PDE4D: variants seen among roughly 807,000 people sequenced by gnomAD.
PDE4D encodes the protein phosphodiesterase 4D, also known as 3',5'-cyclic-AMP phosphodiesterase 4D.
PDE4D carries 24 observed loss-of-function variants against 87.4 expected under a neutral mutation model. The ratio of observed to expected loss-of-function variants is 0.27; its 90% CI spans 0.20 to 0.39. The LOEUF (loss-of-function observed/expected upper bound fraction) is 0.39. Among genes scored for constraint, PDE4D ranks in the 10% least tolerant of loss-of-function variants. The pLI is 1.00. For synonymous variants in PDE4D, 384 were observed against 383.2 expected (o/e 1.00, Z -0.02); for missense variants, 714 against 1,041.0 (o/e 0.69, Z 4.32).
At chr5:59,984,701 T>C (rs180675758) in intron 3 of PDE4D, among the ~76,000 whole-genome samples, 6 of 152,318 alleles carry the variant, frequency 3.9e-5, no homozygotes, top group Admixed American at 3.9e-4. Flanking sequence ...CACTTATTTC[T>C]GCACATCAAA....
chr5:59,564,049 G>C (rs563925527), intron 1 of PDE4D, among the ~76,000 whole-genome samples: 1 of 152,302 alleles, frequency 6.6e-6, no homozygotes, highest in South Asian at 2.1e-4. Flanking sequence ...CTTCAGAGGG[G>C]CTTGGGTTCA....
intron 1 of PDE4D, among the ~76,000 whole-genome samples, chr5:59,603,823 C>G (rs184188106): frequency 1.3e-5 from 2 of 151,926 alleles, no homozygotes; most frequent in African/African-American, 4.8e-5. Context: ...AAAATAAGTT[C>G]AAGAAATCTA....
chr5:59,645,033 G>A (rs552088175), intron 1 of PDE4D, among the ~76,000 whole-genome samples: 1 of 152,162 alleles, frequency 6.6e-6, no homozygotes, highest in Admixed American at 6.5e-5. Context: ...CATGACATTT[G>A]AATTATTGGC....
chr5:59,884,287 C>A (rs1393079913), intron 1 of PDE4D, among the ~76,000 whole-genome samples: 2 of 151,052 alleles, frequency 1.3e-5, no homozygotes, highest in Non-Finnish European at 3.0e-5. Context: ...TAAATACACA[C>A]ACACATATAT....
In PDE4D at chr5:59,395,854, T is replaced by C. The variant is rs569478188; in HGVS notation, c.456-179886A>G. Among the ~76,000 whole-genome samples, 314 of 117,912 alleles carry C rather than the reference T, an allele frequency of 2.7e-3. 45 individuals are homozygous for C. The highest frequency in any genetic ancestry group is 0.01 in the African/African-American group (298 of 29,174). The allele number at this position is 117,912 out of a possible 152,430, so 77.4% of individuals were successfully genotyped here. On this transcript the variant is annotated intron_variant, in intron 1 of 14. Transcript: ENST00000340635. ...TTTAAAAAAAATTTAGAAGAATGTA[T>C]AACTAGAATAACCAATACAGAGAAG... is the stretch of plus-strand genomic sequence containing the variant.
chr5:60,106,506 A>C (rs1360239763), intron 2 of PDE4D, among the ~76,000 whole-genome samples: 1 of 152,188 alleles, frequency 6.6e-6, no homozygotes, highest in Non-Finnish European at 1.5e-5. Flanking sequence ...CACCAAGCAG[A>C]CCTAATAGAC....
At chr5:60,006,241 T>C (rs1561970759) in intron 2 of PDE4D, among the ~76,000 whole-genome samples, 2 of 151,572 alleles carry the variant, frequency 1.3e-5, no homozygotes, top group Admixed American at 6.6e-5. Context: ...TTATATTAGG[T>C]TGGGCGAAAG....
At chr5:59,354,190 ATT>A (rs1780977844) in intron 1 of PDE4D, among the ~76,000 whole-genome samples, 1 of 152,172 alleles carries the variant, frequency 6.6e-6, no homozygotes. Context: ...CATAAAAAAA[ATT>A]ATAAGGGAGA....
chr5:59,494,327 A>G (rs533221884), intron 1 of PDE4D, among the ~76,000 whole-genome samples: 1 of 152,342 alleles, frequency 6.6e-6, no homozygotes, highest in South Asian at 2.1e-4. Context: ...ATAATGATGG[A>G]TTGCAGGTCT....
At chr5:60,488,580 G>A (rs780915441), upstream of PDE4D, among the ~76,000 whole-genome samples, 4 of 151,672 alleles carry the variant, frequency 2.6e-5, no homozygotes, top group Non-Finnish European at 5.9e-5. Context: ...TGAGGAGGGG[G>A]AGAATTAATG....
chr5:60,033,811 G>GT (rs1418334710), intron 2 of PDE4D, among the ~76,000 whole-genome samples: 2 of 152,198 alleles, frequency 1.3e-5, no homozygotes, highest in Non-Finnish European at 2.9e-5. Context: ...TGCAGTGAAA[G>GT]TAAAGCACCC....
At position 59,940,381 on chromosome 5, in the gene PDE4D, A is replaced by G. The variant is rs114613562; in HGVS notation, c.272+48107T>C. Reference sequence around the variant, plus strand: ...AGGGTGCTCCTAATTTGGGCACCAGATAGGAGACTTGTGCAGTAATCCATG... The same window carrying G: ...AGGGTGCTCCTAATTTGGGCACCAGGTAGGAGACTTGTGCAGTAATCCATG... On this transcript the variant is annotated intron_variant, in intron 3 of 16. Coordinates refer to the PDE4D transcript ENST00000502484. Among the ~76,000 whole-genome samples, 874 of 152,270 alleles carry G rather than the reference A, an allele frequency of 5.7e-3. 9 individuals are homozygous for G. Among genetic ancestry groups the G allele is most frequent in the African/African-American group, 0.021 (856 of 41,548 alleles).
At chr5:60,168,027 C>CT (rs1434842661) in intron 2 of PDE4D, among the ~76,000 whole-genome samples, 5 of 152,352 alleles carry the variant, frequency 3.3e-5, no homozygotes, top group African/African-American at 1.2e-4. Context: ...CATGATCCCC[C>CT]TGTCCAAGAC....
chr5:59,401,460 C>G (rs926028872), intron 1 of PDE4D, among the ~76,000 whole-genome samples: 1 of 139,102 alleles, frequency 7.2e-6, no homozygotes, highest in East Asian at 2.1e-4. Context: ...ATCTATCTAT[C>G]TATCTATCTA....
intron 2 of PDE4D, among the ~76,000 whole-genome samples, chr5:60,167,302 C>T (rs1159882107): frequency 8.1e-6 from 1 of 124,056 alleles, no homozygotes; most frequent in African/African-American, 3.1e-5. Flanking sequence ...CGGAGTCTCG[C>T]TGTCGCCCAG....
intron 1 of PDE4D, among the ~76,000 whole-genome samples, chr5:59,654,583 T>G (rs962036141): frequency 6.6e-6 from 1 of 152,192 alleles, no homozygotes; most frequent in Non-Finnish European, 1.5e-5. Flanking sequence ...TTTAACACCT[T>G]TATAGAGATG....
chr5:60,380,048 A>C (rs1372087806), intron 1 of PDE4D, among the ~76,000 whole-genome samples: 1 of 152,238 alleles, frequency 6.6e-6, no homozygotes, highest in Non-Finnish European at 1.5e-5. Flanking sequence ...TGCTAAGATA[A>C]AATGTGCCCG....
intron 1 of PDE4D, among the ~76,000 whole-genome samples, chr5:59,375,525 C>T (rs1784561688): frequency 6.6e-6 from 1 of 152,118 alleles, no homozygotes; most frequent in African/African-American, 2.4e-5. Context: ...ATAAAAAGCA[C>T]TGAAATTGAG....
chr5:59,528,053 T>C (rs1187874652), intron 1 of PDE4D, among the ~76,000 whole-genome samples: 1 of 152,200 alleles, frequency 6.6e-6, no homozygotes, highest in African/African-American at 2.4e-5. Context: ...CGCTTAAAGG[T>C]AAGCAAAATT....
Sources: gnomAD v4.1 joint callset for allele counts (sites outside exome capture counted in the v4.1 genomes callset) on GRCh38, gnomAD v4.1.1 for gene constraint, MANE v1.5 for transcripts, NCBI Gene and HGNC (gene_info 2026-07-23, HGNC 2026-07-21) for gene names.